TNC: variants seen among roughly 807,000 people sequenced by gnomAD.
The protein encoded by TNC is tenascin C, also known as tenascin.
TNC carries 109 observed loss-of-function variants against 202.4 expected under a neutral mutation model. The ratio of observed to expected loss-of-function variants is 0.54; its 90% confidence interval spans 0.46 to 0.63. The LOEUF is 0.63. TNC is among the 30% of genes least tolerant of loss of function. The pLI is 0.00. For missense variants in TNC, 2,756 were observed against 2,833.3 expected, an observed-to-expected ratio of 0.97 and a Z score of 0.62; for synonymous variants, 1,007 against 1,089.7, an observed-to-expected ratio of 0.92 and a Z score of 1.50.
intron 20 of TNC, 114 bp downstream of exon 20, chr9:115,038,147 C>T: frequency 7.1e-7 from 1 of 1,401,906 alleles, no homozygotes; most frequent in Non-Finnish European, 9.6e-7. Flanking sequence ...TTTCAACCTA[C>T]CCATGCATTT....
intron 1 of TNC, among the ~76,000 whole-genome samples, chr9:115,091,717 C>T (rs1293898323): frequency 6.6e-6 from 1 of 152,164 alleles, no homozygotes; most frequent in Non-Finnish European, 1.5e-5. Context: ...TCATGAGAGG[C>T]AGAGGTTAAA....
At position 115,082,711 on chromosome 9, in the gene TNC, T is replaced by C; in HGVS notation, c.2228A>G (p.Glu743Gly). ...DPLDIAFETW[E>G]IIFRNMNKED... ...CCTTACCATATTCCGGAAGATGATC[T>C]CCCAGGTTTCAAAAGCAATGTCTAG... Residue 743 changes from glutamate to glycine, a missense_variant, in exon 5 of 28, where the codon GAG becomes GGG. Around this residue, in one of 2 missense-constraint regions of TNC, gnomAD observed 2,559 missense variants for 2,546.0 expected, o/e 1.01. Coordinates refer to ENST00000350763, the MANE Select transcript of TNC (RefSeq NM_002160.4). 10 of 1,612,470 alleles carry C rather than the reference T, an allele frequency of 6.2e-6. No homozygotes were observed. The highest frequency in any genetic ancestry group is 2.2e-5 in the East Asian group (1 of 44,872).
chr9:115,035,715 C>A, intron 21 of TNC: 1 of 265,674 alleles, frequency 3.8e-6, no homozygotes, highest in Non-Finnish European at 7.2e-6. Flanking sequence ...GTAAAAAGCT[C>A]TCAATGTATA....
At chr9:115,023,938 G>A (rs1322793361) in intron 27 of TNC, 35 bp downstream of exon 27, 2 of 1,598,714 alleles carry the variant, frequency 1.3e-6, no homozygotes, top group Non-Finnish European at 8.6e-7. Context: ...AGCTTCCCAA[G>A]CTTGGCCTGC....
chr9:115,025,846 C>A (rs1304834554), intron 26 of TNC, among the ~76,000 whole-genome samples: 1 of 152,186 alleles, frequency 6.6e-6, no homozygotes, highest in Non-Finnish European at 1.5e-5. Context: ...AAAACCACTT[C>A]AAGTCCAAGA....
intron 2 of TNC, among the ~76,000 whole-genome samples, chr9:115,089,021 G>A (rs901048646): frequency 6.6e-6 from 1 of 152,074 alleles, no homozygotes; most frequent in African/African-American, 2.4e-5. Context: ...TTACATGTGT[G>A]AGTCATATTT....
In TNC at chr9:115,092,361, T is replaced by A. The variant is rs1440902401; in HGVS notation, c.-136-1207A>T. On this transcript the variant is annotated intron_variant, in intron 1 of 27. Coordinates refer to ENST00000350763, the MANE Select transcript of TNC (RefSeq NM_002160.4). ...CATCTCTCTTAGAGCTATTCACCTG[T>A]ATGAGCAATCAGGTAGCAGAGAAAA... Among the ~76,000 whole-genome samples, 5 of 152,200 alleles carry A rather than the reference T, an allele frequency of 3.3e-5. No individual in the cohort carries two copies. The East Asian group carries it at 9.6e-4, about 29-fold the overall frequency.
intron 1 of TNC, among the ~76,000 whole-genome samples, chr9:115,110,598 A>G (rs1254074528): frequency 1.3e-5 from 2 of 152,206 alleles, no homozygotes; most frequent in East Asian, 3.9e-4. Context: ...GTTAGTAAAG[A>G]AAAAAGAATT....
intron 1 of TNC, among the ~76,000 whole-genome samples, chr9:115,101,105 A>T (rs1232463967): frequency 6.6e-6 from 1 of 152,190 alleles, no homozygotes; most frequent in Admixed American, 6.5e-5. Flanking sequence ...TTTTCAGTAC[A>T]TACGTGCCAA....
chr9:115,075,964 G>A (rs1468836390), intron 9 of TNC, 68 bp downstream of exon 9: 1 of 1,399,058 alleles, frequency 7.1e-7, no homozygotes, highest in African/African-American at 1.4e-5. Context: ...ATAGGTTTTG[G>A]CCACATTGAC....
At position 115,078,005 on chromosome 9, in the gene TNC, A is replaced by C; in HGVS notation, c.2612T>G (p.Val871Gly). ...GNLKPDTEYE[V>G]SLISRRGDMS... is the part of the protein sequence containing the mutation. The stretch of plus-strand genomic sequence containing the variant: ...GTCACCTCTGCGGGAGATGAGGGAC[A>C]CCTCGTACTCAGTGTCAGGCTTCAG... Residue 871 changes from valine to glycine, a missense_variant, in exon 7 of 28, where the codon GTG (valine) becomes GGG (glycine). Val to Gly is a moderately radical substitution (Grantham distance 109). Around this residue, in one of 2 missense-constraint regions of TNC, gnomAD observed 2,559 missense variants for 2,546.0 expected, o/e 1.01. Transcript: ENST00000350763. 1 of 1,614,230 alleles carries C rather than the reference A, an allele frequency of 6.2e-7. No homozygotes were observed. Among genetic ancestry groups the C allele is most frequent in the Non-Finnish European group, 8.5e-7 (1 of 1,180,032 alleles).
chr9:115,026,504 T>G, intron 26 of TNC, 30 bp downstream of exon 26: 3 of 1,607,158 alleles, frequency 1.9e-6, no homozygotes, highest in Non-Finnish European at 2.6e-6. Flanking sequence ...TCCATGGCTT[T>G]GTAGGCTCTA....
At chr9:115,032,870 C>T (rs1480585148) in intron 22 of TNC, among the ~76,000 whole-genome samples, 1 of 152,192 alleles carries the variant, frequency 6.6e-6, no homozygotes, top group Non-Finnish European at 1.5e-5. Flanking sequence ...AGGAAATCCT[C>T]TTTCCACACC....
At chr9:115,074,088 T>C (rs1833666740) in intron 9 of TNC, among the ~76,000 whole-genome samples, 1 of 152,124 alleles carries the variant, frequency 6.6e-6, no homozygotes, top group South Asian at 2.1e-4. Flanking sequence ...AGATTGAAAA[T>C]AATGTCATGG....
intron 1 of TNC, among the ~76,000 whole-genome samples, chr9:115,106,622 C>G (rs186219252): frequency 6.6e-6 from 1 of 152,226 alleles, no homozygotes; most frequent in East Asian, 1.9e-4. Flanking sequence ...AGCCTGCTCT[C>G]CTTGAGTCTG....
At chr9:115,065,670 G>T (rs1357773546) in intron 10 of TNC, among the ~76,000 whole-genome samples, 1 of 152,034 alleles carries the variant, frequency 6.6e-6, no homozygotes, top group Admixed American at 6.5e-5. Context: ...GAGAGGCCAA[G>T]GTGGGCAGAT....
At position 115,062,992 on chromosome 9, in the gene TNC, T is replaced by C. The variant is rs745899976; in HGVS notation, c.3958A>G (p.Thr1320Ala). Residue 1320 changes from threonine to alanine, a missense_variant, in exon 13 of 28, where the codon ACT becomes GCT. Thr to Ala is a moderately conservative substitution (Grantham distance 58). Around this residue, in one of 2 missense-constraint regions of TNC, gnomAD observed 2,559 missense variants for 2,546.0 expected, o/e 1.01. Coordinates refer to ENST00000350763, the MANE Select transcript of TNC (RefSeq NM_002160.4). ...CCGTGCAGGGTGACTGTGTAAGGAG[T>C]GCCAGCCCTGAGGCCTGGGATTTCC... ...SMEIPGLRAGTPYTVTLHGEV... is the reference protein window; with the variant it reads ...SMEIPGLRAGAPYTVTLHGEV... 2.5e-6 allele frequency: 4 copies of C among 1,613,736 alleles called. No individual in the cohort carries two copies. Among genetic ancestry groups the C allele is most frequent in the Admixed American group, 3.3e-5 (2 of 59,958 alleles).
intron 14 of TNC, among the ~76,000 whole-genome samples, chr9:115,059,259 A>G (rs1832362969): frequency 6.6e-6 from 1 of 152,184 alleles, no homozygotes; most frequent in South Asian, 2.1e-4. Context: ...CATTTCTTAC[A>G]TGCAAGAACC....
intron 10 of TNC, among the ~76,000 whole-genome samples, chr9:115,073,136 A>G (rs1198252808): frequency 2.6e-5 from 4 of 152,280 alleles, no homozygotes; most frequent in African/African-American, 9.6e-5. Flanking sequence ...GGCAGAAAGC[A>G]AAAGACCTGG....
Sources: gnomAD v4.1 joint callset for allele counts (sites outside exome capture counted in the v4.1 genomes callset) on GRCh38, gnomAD v4.1.1 for gene constraint, gnomAD v4.1.1 regional missense constraint, MANE v1.5 for transcripts, NCBI Gene and HGNC (gene_info 2026-07-23, HGNC 2026-07-21) for gene names.